SCHIP1: variants seen among roughly 807,000 people sequenced by gnomAD.
SCHIP1 encodes schwannomin-interacting protein 1.
A neutral mutation model predicts 29.7 loss-of-function variants in SCHIP1; 8 were observed. The observed-to-expected ratio is 0.27, with a 90% CI of 0.16 to 0.49. SCHIP1 has a LOEUF of 0.49. Among genes scored for constraint, SCHIP1 ranks in the 20% least tolerant of loss-of-function variants. The probability of loss-of-function intolerance (pLI) is 0.99; values close to 1 mark genes in which losing one functional copy is unlikely to be tolerated. For missense variants in SCHIP1, 193 were observed against 294.6 expected (o/e 0.66, Z 2.52); for synonymous variants, 76 against 94.9 (o/e 0.80, Z 1.16).
chr3:159,670,845 C>T, the SCHIP1 span, among the ~76,000 whole-genome samples: 1 of 152,058 alleles, frequency 6.6e-6, no homozygotes, highest in South Asian at 2.1e-4. Context: ...AGTGTTCTCC[C>T]TCTCTTGCTT....
the SCHIP1 span, among the ~76,000 whole-genome samples, chr3:159,809,533 T>A: frequency 6.6e-6 from 1 of 152,100 alleles, no homozygotes; most frequent in African/African-American, 2.4e-5. Context: ...TATTTCTAGT[T>A]CTAGATCCTT....
the SCHIP1 span, among the ~76,000 whole-genome samples, chr3:159,462,762 C>A: frequency 6.6e-6 from 1 of 152,036 alleles, no homozygotes; most frequent in Non-Finnish European, 1.5e-5. Context: ...TTATTTTCTC[C>A]AAGAGAAACA....
chr3:159,317,257 G>A, the SCHIP1 span, among the ~76,000 whole-genome samples: 1 of 152,188 alleles, frequency 6.6e-6, no homozygotes, highest in Non-Finnish European at 1.5e-5. Flanking sequence ...TTCTTAGACT[G>A]TTGACTTAAA....
intron 1 of SCHIP1, among the ~76,000 whole-genome samples, chr3:159,849,745 C>T (rs1430367098): frequency 2.0e-5 from 3 of 152,156 alleles, no homozygotes; most frequent in Non-Finnish European, 2.9e-5. Flanking sequence ...TGGTAGCCCT[C>T]CTCATTCAAT....
intron 1 of SCHIP1, among the ~76,000 whole-genome samples, chr3:159,847,323 C>T (rs760982268): frequency 7.9e-5 from 12 of 152,106 alleles, no homozygotes; most frequent in Non-Finnish European, 1.8e-4. Context: ...TTAATAGAGC[C>T]CTATCCCATT....
chr3:159,624,875 G>A, the SCHIP1 span, among the ~76,000 whole-genome samples: 1 of 152,154 alleles, frequency 6.6e-6, no homozygotes, highest in African/African-American at 2.4e-5. Context: ...TGGATAGCCT[G>A]AGCCTAAACT....
chr3:159,313,526 T>C, the SCHIP1 span, among the ~76,000 whole-genome samples: 1,317 of 152,316 alleles, frequency 8.6e-3, 17 homozygotes, highest in African/African-American at 0.031. Flanking sequence ...TGCAAACATT[T>C]TAAATTTCAA....
the SCHIP1 span, among the ~76,000 whole-genome samples, chr3:159,494,564 A>C: frequency 6.6e-6 from 1 of 152,250 alleles, no homozygotes; most frequent in East Asian, 1.9e-4. Context: ...GAAGAATTTG[A>C]ATCTCTGATT....
the SCHIP1 span, among the ~76,000 whole-genome samples, chr3:159,796,470 A>G: frequency 6.6e-6 from 1 of 152,130 alleles, no homozygotes; most frequent in Admixed American, 6.5e-5. Context: ...GGGAGGAGTG[A>G]TCATGCACCC....
At chr3:159,576,289 T>C in the SCHIP1 span, among the ~76,000 whole-genome samples, 2 of 152,214 alleles carry the variant, frequency 1.3e-5, no homozygotes, top group Non-Finnish European at 2.9e-5. Context: ...TTTTATTGAA[T>C]AATGGGTTAA....
the SCHIP1 span, among the ~76,000 whole-genome samples, chr3:159,297,574 C>A: frequency 6.6e-6 from 1 of 152,018 alleles, no homozygotes; most frequent in Non-Finnish European, 1.5e-5. Context: ...TGCTGTACTG[C>A]CTTCCTAAGC....
chr3:159,891,332 C>T (rs1717519010), intron 5 of SCHIP1, among the ~76,000 whole-genome samples: 1 of 151,806 alleles, frequency 6.6e-6, no homozygotes, highest in Non-Finnish European at 1.5e-5. Flanking sequence ...GATCGTGCCA[C>T]TGCACTCCAG....
the SCHIP1 span, among the ~76,000 whole-genome samples, chr3:159,726,386 T>C: frequency 6.6e-6 from 1 of 152,192 alleles, no homozygotes; most frequent in Non-Finnish European, 1.5e-5. Context: ...GCAGAGTTCA[T>C]ACATGAAGGT....
the SCHIP1 span, among the ~76,000 whole-genome samples, chr3:159,599,302 G>A: frequency 1.3e-5 from 2 of 152,098 alleles, no homozygotes; most frequent in African/African-American, 4.8e-5. Context: ...CAAGTGGTTT[G>A]GTTACATGAA....
At chr3:159,640,681 G>T in the SCHIP1 span, among the ~76,000 whole-genome samples, 1 of 152,114 alleles carries the variant, frequency 6.6e-6, no homozygotes, top group Non-Finnish European at 1.5e-5. Flanking sequence ...CCATGAGAAG[G>T]CACAGCGTCA....
the SCHIP1 span, among the ~76,000 whole-genome samples, chr3:159,509,879 T>G: frequency 2.6e-5 from 4 of 152,318 alleles, no homozygotes; most frequent in African/African-American, 9.6e-5. Flanking sequence ...AACCCGACCT[T>G]TCTCTCTGGC....
chr3:159,669,181 T>C, the SCHIP1 span, among the ~76,000 whole-genome samples: 2,627 of 152,284 alleles, frequency 0.017, 92 homozygotes, highest in African/African-American at 0.061. Flanking sequence ...GTGGTGGTGT[T>C]GTAAAGGTCA....
chr3:159,457,307 A>C, the SCHIP1 span, among the ~76,000 whole-genome samples: 1 of 152,162 alleles, frequency 6.6e-6, no homozygotes, highest in Admixed American at 6.5e-5. Context: ...TAAATGTATA[A>C]AGTGATATCC....
At chr3:159,508,253 T>A in the SCHIP1 span, among the ~76,000 whole-genome samples, 1 of 152,242 alleles carries the variant, frequency 6.6e-6, no homozygotes, top group Non-Finnish European at 1.5e-5. Context: ...TTTATTTGCG[T>A]AGAGATGTTT....
Sources: allele counts gnomAD v4.1 joint callset (sites outside exome capture counted in the v4.1 genomes callset), GRCh38; gene constraint gnomAD v4.1.1; transcripts MANE v1.5; gene names NCBI Gene and HGNC (gene_info 2026-07-23, HGNC 2026-07-21).